Variants in TBC1D22A observed in about 807,000 individuals in gnomAD.
TBC1D22A encodes TBC1 domain family member 22A, also known as putative GTPase activator.
A neutral mutation model predicts 60.2 loss-of-function variants in TBC1D22A; 38 were observed. That is an observed-to-expected ratio of 0.63 (90% CI 0.49 to 0.83). The LOEUF is 0.83. Among genes scored for constraint, TBC1D22A ranks in the 40% least tolerant of loss-of-function variants. The pLI, the probability that TBC1D22A is intolerant of heterozygous loss-of-function variation, is 0.00. For missense variants in TBC1D22A, 628 were observed against 701.0 expected (o/e 0.90, Z 1.18); for synonymous variants, 302 against 281.7 (o/e 1.07, Z -0.72).
At position 47,146,108 on chromosome 22, in the gene TBC1D22A, G is replaced by A. The variant is rs552728766; in HGVS notation, c.1426-27390G>A. Among the ~76,000 whole-genome samples the A allele has an allele frequency of 6.0e-4, 91 of 150,544 alleles. 2 individuals carry two copies. Among genetic ancestry groups the A allele is most frequent in the South Asian group, 2.7e-3 (13 of 4,740 alleles). ...AGGGGTTGACTGGGGGCCGCGGCGC[G>A]GGGATGTGCTGGATTGCTGGTCTGT... is the stretch of plus-strand genomic sequence containing the variant. On this transcript the variant is annotated intron_variant, in intron 12 of 12. Transcript: ENST00000337137.
intron 11 of TBC1D22A, among the ~76,000 whole-genome samples, chr22:47,093,018 G>A (rs919903302): frequency 2.0e-5 from 3 of 152,176 alleles, no homozygotes; most frequent in Admixed American, 1.3e-4. Flanking sequence ...GAGGAGCATC[G>A]AGGGTGGCTG....
At chr22:47,107,729 T>C (rs545206421) in intron 11 of TBC1D22A, among the ~76,000 whole-genome samples, 9 of 152,270 alleles carry the variant, frequency 5.9e-5, no homozygotes, top group African/African-American at 1.9e-4. Context: ...GCAGAAGATA[T>C]GGAATAGCCA....
chr22:46,888,367 A>C (rs534668942), intron 5 of TBC1D22A, among the ~76,000 whole-genome samples: 1 of 152,246 alleles, frequency 6.6e-6, no homozygotes, highest in Non-Finnish European at 1.5e-5. Context: ...TTGGTGGCTA[A>C]CACAGTGATG....
At chr22:47,075,162 G>C (rs571059716) in intron 11 of TBC1D22A, among the ~76,000 whole-genome samples, 104 of 150,484 alleles carry the variant, frequency 6.9e-4, no homozygotes, top group Middle Eastern at 3.4e-3. Context: ...GGCGGAGCTT[G>C]CAGTGAGACG....
intron 12 of TBC1D22A, among the ~76,000 whole-genome samples, chr22:47,133,472 C>T (rs1435464570): frequency 6.6e-6 from 1 of 152,130 alleles, no homozygotes; most frequent in African/African-American, 2.4e-5. Context: ...GTGAAAGGGC[C>T]GCCTGTGGGG....
intron 8 of TBC1D22A, among the ~76,000 whole-genome samples, chr22:46,934,134 T>A (rs1044637738): frequency 2.0e-5 from 3 of 152,274 alleles, no homozygotes; most frequent in African/African-American, 7.2e-5. Flanking sequence ...GCAGACTTTT[T>A]ATTTCTCATG....
At chr22:46,957,223 A>G (rs1017083739) in intron 8 of TBC1D22A, among the ~76,000 whole-genome samples, 7 of 152,216 alleles carry the variant, frequency 4.6e-5, no homozygotes, top group African/African-American at 1.7e-4. Flanking sequence ...GAAATAAAAC[A>G]AAAGTCTGCA....
intron 4 of TBC1D22A, among the ~76,000 whole-genome samples, chr22:46,834,799 A>C (rs544400839): frequency 6.6e-5 from 10 of 152,344 alleles, no homozygotes; most frequent in African/African-American, 2.4e-4. Context: ...ATATGCCTCC[A>C]GCATTCTGTA....
Position 47,079,738 on chromosome 22 carries a change from G to A in TBC1D22A, c.1330-31770G>A, listed in dbSNP as rs547255110. On this transcript the variant is annotated intron_variant, in intron 11 of 12. Transcript: ENST00000337137. ...TAGGAAAAAAGAGGAGTACAGAAGA[G>A]AACATCAAAAGCAACAGCAATATAG... 4.6e-5 allele frequency among the ~76,000 whole-genome samples: 7 copies of A among 152,226 alleles called. 1 individual carries two copies. Among genetic ancestry groups the A allele is most frequent in the South Asian group, 2.1e-4 (1 of 4,830 alleles).
intron 8 of TBC1D22A, among the ~76,000 whole-genome samples, chr22:46,945,077 T>G (rs560333578): frequency 1.3e-4 from 20 of 152,374 alleles, no homozygotes; most frequent in African/African-American, 4.8e-4. Context: ...CTTCCAAATC[T>G]GTAGTTTGGT....
At chr22:46,847,253 C>T (rs2087042841) in intron 4 of TBC1D22A, among the ~76,000 whole-genome samples, 2 of 152,192 alleles carry the variant, frequency 1.3e-5, no homozygotes, top group South Asian at 2.1e-4. Context: ...AAGAGATTGC[C>T]ACCATGGGAG....
intron 8 of TBC1D22A, among the ~76,000 whole-genome samples, chr22:46,932,326 C>T (rs549648409): frequency 3.1e-4 from 47 of 152,340 alleles, no homozygotes; most frequent in African/African-American, 1.1e-3. Flanking sequence ...GGTTTCTCCA[C>T]CAGCTTGTCA....
chr22:47,022,432 G>A (rs562514457), intron 10 of TBC1D22A, among the ~76,000 whole-genome samples: 2 of 152,286 alleles, frequency 1.3e-5, no homozygotes, highest in East Asian at 3.9e-4. Context: ...GTCTCCCTGA[G>A]TTTAGACAGA....
At position 46,970,842 on chromosome 22, in the gene TBC1D22A, C is replaced by T. The variant is rs987207861; in HGVS notation, c.1016-3448C>T. 2.6e-5 allele frequency among the ~76,000 whole-genome samples: 4 copies of T among 152,164 alleles called. No individual in the cohort carries two copies. In the East Asian group the frequency reaches 5.8e-4, roughly 22 times the overall value. On this transcript the variant is annotated intron_variant, in intron 8 of 12. Coordinates refer to ENST00000337137, the MANE Select transcript of TBC1D22A (RefSeq NM_014346.5). ...TGCCTGCAGTTCCGCCTGGGCCATA[C>T]ACCCAGGGACAGGGCTCCTCTGGGT...
In TBC1D22A at chr22:46,794,390, G is replaced by A. The variant is rs986796385; in HGVS notation, c.460+549G>A. ...GCCACGTTTGCACTCTGACCCCCTC[G>A]GGTGGGGTCGTGTCTGGTGCCATGT... is the stretch of plus-strand genomic sequence containing the variant. On this transcript the variant is annotated intron_variant, in intron 3 of 12. Coordinates refer to ENST00000337137, the MANE Select transcript of TBC1D22A (RefSeq NM_014346.5). Among the ~76,000 whole-genome samples, 6 of 152,352 alleles carry A rather than the reference G, an allele frequency of 3.9e-5. No individual in the cohort carries two copies. The South Asian group carries it at 8.3e-4, about 21-fold the overall frequency.
At chr22:46,912,546 GTCTATCTGTTTA>G (rs2070022178) in intron 8 of TBC1D22A, among the ~76,000 whole-genome samples, 2 of 152,202 alleles carry the variant, frequency 1.3e-5, no homozygotes, top group Non-Finnish European at 2.9e-5. Flanking sequence ...CTGTCTGTCT[GTCTATCTGTTTA>G]TCTATCTGTT....
In TBC1D22A at chr22:46,870,683, G is replaced by A. The variant is rs921369831; in HGVS notation, c.638-7970G>A. Among the ~76,000 whole-genome samples, 190 of 152,162 alleles carry A rather than the reference G, an allele frequency of 1.2e-3. 3 individuals are homozygous for A. Among genetic ancestry groups the A allele is most frequent in the Non-Finnish European group, 4.4e-5 (3 of 68,036 alleles). ...CCAGTTTCGGAGGCTTGGAGGTCTC[G>A]CATCAAGGTGCCGGCATCTGGTGAA... On this transcript the variant is annotated intron_variant, in intron 4 of 12. Transcript: ENST00000337137.
chr22:47,043,796 C>T (rs1025953852), intron 11 of TBC1D22A, among the ~76,000 whole-genome samples: 3 of 152,090 alleles, frequency 2.0e-5, no homozygotes, highest in South Asian at 2.1e-4. Flanking sequence ...GGCAGGGGGG[C>T]GCAGTGTGCT....
chr22:47,090,032 T>C (rs566823598), intron 11 of TBC1D22A, among the ~76,000 whole-genome samples: 1 of 152,216 alleles, frequency 6.6e-6, no homozygotes, highest in African/African-American at 2.4e-5. Context: ...TGGATGTCTG[T>C]ATCATTTCCC....
Sources: allele counts gnomAD v4.1 joint callset (sites outside exome capture counted in the v4.1 genomes callset), GRCh38; gene constraint gnomAD v4.1.1; transcripts MANE v1.5; gene names NCBI Gene and HGNC (gene_info 2026-07-23, HGNC 2026-07-21).